TTC27: variants seen among roughly 807,000 people sequenced by gnomAD.
TTC27 encodes tetratricopeptide repeat protein 27.
TTC27 carries 79 observed loss-of-function variants against 115.9 expected under a neutral mutation model. That is an observed-to-expected ratio of 0.68 (90% CI 0.57 to 0.82). TTC27 has a LOEUF of 0.82. Among genes scored for constraint, TTC27 ranks in the 40% least tolerant of loss-of-function variants. TTC27 has a pLI of 0.00. For missense variants in TTC27, 1,054 were observed against 993.1 expected (o/e 1.06, Z -0.82); for synonymous variants, 401 against 356.0 (o/e 1.13, Z -1.42).
chr2:32,809,596 G>C (rs1036598243), intron 16 of TTC27, among the ~76,000 whole-genome samples: 3 of 152,204 alleles, frequency 2.0e-5, no homozygotes, highest in African/African-American at 7.2e-5. Flanking sequence ...GCACTGACTA[G>C]CATGGTGTTA....
intron 5 of TTC27, among the ~76,000 whole-genome samples, chr2:32,653,870 TTTA>T (rs952696782): frequency 1.3e-5 from 2 of 152,190 alleles, no homozygotes; most frequent in African/African-American, 4.8e-5. Flanking sequence ...AACCTCCTGA[TTTA>T]TTAAAATAAT....
chr2:32,664,619 T>C, intron 6 of TTC27, 152 bp downstream of exon 6: 1 of 676,276 alleles, frequency 1.5e-6, no homozygotes, highest in Non-Finnish European at 2.3e-6. Context: ...ATTTATAGTT[T>C]ATAACAAATT....
Position 32,765,243 on chromosome 2 carries a change from C to T in TTC27, c.1680+6724C>T, listed in dbSNP as rs544559176. On this transcript the variant is annotated intron_variant, in intron 13 of 19. Transcript: ENST00000317907. ...TAGATTACTCCTTGTTCCATGGCTG[C>T]GGAGTGGTTGTTGTGTTAGCAAGCA... Among the ~76,000 whole-genome samples, 14 of 152,170 alleles carry T rather than the reference C, an allele frequency of 9.2e-5. No individual in the cohort carries two copies. The South Asian group carries it at 1.5e-3, about 16-fold the overall frequency.
At chr2:32,808,351 A>G (rs565832179) in intron 16 of TTC27, among the ~76,000 whole-genome samples, 7 of 152,246 alleles carry the variant, frequency 4.6e-5, no homozygotes, top group East Asian at 1.9e-4. Flanking sequence ...CTCGTTATCT[A>G]TTCCTCCAAT....
In TTC27 at chr2:32,753,429, C is replaced by CTTTTTTTTTTT. The variant is rs776515945; in HGVS notation, c.1453-4848_1453-4838dup. ...ATACTCGGTTAATCCAATCAAATGC[C>CTTTTTTTTTTT]TTTTTTTTTTTTTTTTTTTTTTTTT... is the stretch of plus-strand genomic sequence containing the variant. On this transcript the variant is annotated intron_variant, in intron 12 of 19. Coordinates refer to ENST00000317907, the MANE Select transcript of TTC27 (RefSeq NM_017735.5). Among the ~76,000 whole-genome samples the CTTTTTTTTTTT allele has an allele frequency of 3.0e-3, 217 of 72,890 alleles. 31 individuals carry two copies. Among genetic ancestry groups the CTTTTTTTTTTT allele is most frequent in the African/African-American group, 0.011 (198 of 18,004 alleles). 47.8% of individuals were successfully genotyped at this position (72,890 alleles called of 152,430 possible). A position where few individuals can be genotyped will look rare whatever the true frequency, so the allele number is the denominator to read the frequency against.
rs538582161 is a variant in TTC27, at chr2:32,720,858, C to T, written c.1234-12970C>T. Among the ~76,000 whole-genome samples the T allele has an allele frequency of 3.3e-4, 51 of 152,320 alleles. No individual in the cohort carries two copies. The South Asian group carries it at 0.011, about 32-fold the overall frequency. On this transcript the variant is annotated intron_variant, in intron 10 of 19. Coordinates refer to ENST00000317907, the MANE Select transcript of TTC27 (RefSeq NM_017735.5). ...AGACTACTCTCTCATGTGTTAGCGT[C>T]TCAGAATATTCGTGTGCTCTATTGT...
intron 16 of TTC27, among the ~76,000 whole-genome samples, chr2:32,790,054 G>C (rs1264955258): frequency 6.7e-6 from 1 of 149,300 alleles, no homozygotes; most frequent in African/African-American, 2.5e-5. Flanking sequence ...AAAAAAAATA[G>C]CTATATTTTC....
intron 16 of TTC27, among the ~76,000 whole-genome samples, chr2:32,799,809 C>A (rs1253748833): frequency 2.0e-5 from 3 of 152,154 alleles, no homozygotes; most frequent in Non-Finnish European, 4.4e-5. Flanking sequence ...CATTTTAAAT[C>A]TGTGGGATAA....
chr2:32,694,218 CAT>C (rs1309006362), intron 9 of TTC27, among the ~76,000 whole-genome samples: 4 of 152,116 alleles, frequency 2.6e-5, no homozygotes, highest in African/African-American at 7.2e-5. Flanking sequence ...GAATTAACAA[CAT>C]GTAGTATTTT....
At chr2:32,793,589 C>T (rs1434863515) in intron 16 of TTC27, among the ~76,000 whole-genome samples, 1 of 152,214 alleles carries the variant, frequency 6.6e-6, no homozygotes, top group Non-Finnish European at 1.5e-5. Context: ...ATGGTGCCAT[C>T]TCGGCTCACT....
chr2:32,664,182 T>A, intron 5 of TTC27, 121 bp from the exon 6 acceptor site: 1 of 867,670 alleles, frequency 1.2e-6, no homozygotes, highest in Non-Finnish European at 1.7e-6. Flanking sequence ...GTCTTATGTT[T>A]AAAATTATTT....
At chr2:32,774,253 C>T (rs1669924095) in intron 13 of TTC27, among the ~76,000 whole-genome samples, 1 of 149,060 alleles carries the variant, frequency 6.7e-6, no homozygotes, top group African/African-American at 2.5e-5. Flanking sequence ...GTGATTGTGG[C>T]TCACTGCAAC....
At chr2:32,798,717 AATAATAAT>A (rs1670812521) in intron 16 of TTC27, among the ~76,000 whole-genome samples, 1 of 120,958 alleles carries the variant, frequency 8.3e-6, no homozygotes. Flanking sequence ...AAAAAAAAAT[AATAATAAT>A]AATAATAATA....
At chr2:32,763,256 C>G (rs538049768) in intron 13 of TTC27, among the ~76,000 whole-genome samples, 161 of 152,286 alleles carry the variant, frequency 1.1e-3, no homozygotes, top group African/African-American at 3.7e-3. Flanking sequence ...AACTTGAACA[C>G]TGTAGACTCA....
At chr2:32,779,468 T>C (rs1313924531) in intron 14 of TTC27, among the ~76,000 whole-genome samples, 1 of 152,214 alleles carries the variant, frequency 6.6e-6, no homozygotes, top group Non-Finnish European at 1.5e-5. Context: ...ATTCACATCC[T>C]TACCCATTTT....
At chr2:32,705,077 G>C (rs908724147) in intron 10 of TTC27, 1 of 381,636 alleles carries the variant, frequency 2.6e-6, no homozygotes, top group Non-Finnish European at 5.4e-6. Context: ...CCTGGTGGGG[G>C]GTGTTGGGGT....
intron 4 of TTC27, among the ~76,000 whole-genome samples, chr2:32,643,489 G>A (rs1248469139): frequency 6.6e-6 from 1 of 151,738 alleles, no homozygotes; most frequent in Non-Finnish European, 1.5e-5. Context: ...TGTACTTTTA[G>A]TAGAAATGGG....
chr2:32,682,580 C>A (rs908079135), intron 9 of TTC27, among the ~76,000 whole-genome samples: 2 of 152,058 alleles, frequency 1.3e-5, no homozygotes, highest in Admixed American at 6.6e-5. Flanking sequence ...GCTCTAGCAG[C>A]AGCTTGGTGG....
intron 9 of TTC27, among the ~76,000 whole-genome samples, chr2:32,694,828 A>G (rs946767649): frequency 6.6e-6 from 1 of 151,416 alleles, no homozygotes; most frequent in Non-Finnish European, 1.5e-5. Context: ...GTGCACTGCC[A>G]CACCAGGTTT....
Sources: gnomAD v4.1 joint callset for allele counts (sites outside exome capture counted in the v4.1 genomes callset) on GRCh38, gnomAD v4.1.1 for gene constraint, MANE v1.5 for transcripts, NCBI Gene and HGNC (gene_info 2026-07-23, HGNC 2026-07-21) for gene names.